The following ABCA12 variants were observed in gnomAD, a reference collection of about 807,000 sequenced individuals.
The protein encoded by ABCA12 is ATP binding cassette subfamily A member 12.
A neutral mutation model predicts 293.5 loss-of-function variants in ABCA12; 156 were observed. The observed-to-expected ratio is 0.53, with a 90% CI of 0.47 to 0.61. The LOEUF (loss-of-function observed/expected upper bound fraction) is 0.61. ABCA12 is among the 20% of genes least tolerant of loss of function. The probability of loss-of-function intolerance (pLI) is 0.00; values close to 1 mark genes in which losing one functional copy is unlikely to be tolerated. For synonymous variants in ABCA12, 1,063 were observed against 1,108.0 expected, an observed-to-expected ratio of 0.96 and a Z score of 0.81; for missense variants, 2,797 against 3,090.2, an observed-to-expected ratio of 0.91 and a Z score of 2.25.
intron 43 of ABCA12, among the ~76,000 whole-genome samples, chr2:214,954,516 C>A (rs1698881258): frequency 6.6e-6 from 1 of 152,094 alleles, no homozygotes; most frequent in South Asian, 2.1e-4. Context: ...GACTAAAATG[C>A]TGAAATGAGG....
Position 215,067,700 on chromosome 2 carries a change from G to C in ABCA12, c.164-3481C>G, listed in dbSNP as rs564076347. Among the ~76,000 whole-genome samples the C allele has an allele frequency of 1.6e-3, 236 of 152,190 alleles. 2 individuals carry two copies. The highest frequency in any genetic ancestry group is 2.4e-3 in the Non-Finnish European group (165 of 67,994). On this transcript the variant is annotated intron_variant, in intron 2 of 52. Coordinates refer to ENST00000272895, the MANE Select transcript of ABCA12 (RefSeq NM_173076.3). Reference sequence around the variant, plus strand: ...TAGTTTCTCAGGGGCCCCAGGCAAAGGCAGTGAGGAGCCAGCCACTCATGG... The same window carrying C: ...TAGTTTCTCAGGGGCCCCAGGCAAACGCAGTGAGGAGCCAGCCACTCATGG...
At chr2:215,065,297 TAAAAAAAAA>T (rs66466863) in intron 2 of ABCA12, among the ~76,000 whole-genome samples, 16 of 45,136 alleles carry the variant, frequency 3.5e-4, no homozygotes, top group East Asian at 1.7e-3. Flanking sequence ...CATGAATGTG[TAAAAAAAAA>T]AAAAAAAAAA....
chr2:215,105,948 A>C (rs1702456171), intron 2 of ABCA12, among the ~76,000 whole-genome samples: 1 of 152,174 alleles, frequency 6.6e-6, no homozygotes, highest in Non-Finnish European at 1.5e-5. Context: ...AACCTATGTA[A>C]ATTTTTAGCC....
chr2:214,955,596 T>A (rs1044674074), intron 42 of ABCA12, among the ~76,000 whole-genome samples: 2 of 152,156 alleles, frequency 1.3e-5, no homozygotes, highest in Non-Finnish European at 2.9e-5. Context: ...GGTCGGAGGA[T>A]CAAGCTGTGG....
chr2:215,021,094 C>T (rs578256672), intron 11 of ABCA12, among the ~76,000 whole-genome samples: 344 of 152,314 alleles, frequency 2.3e-3, no homozygotes, highest in Non-Finnish European at 4.1e-3. Context: ...AGCCATCTGC[C>T]GGCCTCAGCC....
chr2:215,004,146 G>C, intron 20 of ABCA12, 63 bp downstream of exon 20: 1 of 1,380,650 alleles, frequency 7.2e-7, no homozygotes, highest in South Asian at 1.2e-5. Context: ...TAATCATATG[G>C]AACAATGTTG....
chr2:215,135,903 G>A (rs866961884), intron 1 of ABCA12, among the ~76,000 whole-genome samples: 1 of 152,100 alleles, frequency 6.6e-6, no homozygotes, highest in African/African-American at 2.4e-5. Context: ...GACCCTAGGC[G>A]AAACTGTGAA....
chr2:215,095,150 A>G (rs1170236428), intron 2 of ABCA12, among the ~76,000 whole-genome samples: 1 of 152,178 alleles, frequency 6.6e-6, no homozygotes. Context: ...CTCATTGCTG[A>G]AAAAGGAAGA....
At position 214,982,271 on chromosome 2, in the gene ABCA12, C is replaced by T. The variant is rs776518775; in HGVS notation, c.4495G>A (p.Val1499Ile). 2 of 1,614,048 alleles carry T rather than the reference C, an allele frequency of 1.2e-6. No homozygotes were observed. Among genetic ancestry groups the T allele is most frequent in the Non-Finnish European group, 1.7e-6 (2 of 1,179,994 alleles). Residue 1499 changes from valine to isoleucine, a missense_variant, in exon 30 of 53, where the codon GTA becomes ATA. Physicochemically the swap from Val to Ile is conservative, Grantham distance 29 (BLOSUM62 3). Coordinates refer to ENST00000272895, the MANE Select transcript of ABCA12 (RefSeq NM_173076.3). ...GTAGATGGTTCATCCAAAATTACTA[C>T]CCTTGATCCACCAATGAGAGCTATG... ...ISIALIGGSR[V>I]VILDEPSTGV...
chr2:215,004,249 T>C lies in ABCA12; in HGVS notation c.2643A>G (p.Gly881=). ...FVQVFVKFSV[G]LDAVELLKQI... Reference sequence around the variant, plus strand: ...GTTTCAATAGTTCAACAGCATCGAGTCCCACGGAGAACTTTACAAAAACTT... The same window carrying C: ...GTTTCAATAGTTCAACAGCATCGAGCCCCACGGAGAACTTTACAAAAACTT... Residue 881 remains glycine, a synonymous_variant, in exon 20 of 53, where the codon GGA becomes GGG. Coordinates refer to ENST00000272895, the MANE Select transcript of ABCA12 (RefSeq NM_173076.3). 1 of 1,613,912 alleles carries C rather than the reference T, an allele frequency of 6.2e-7. No individual in the cohort carries two copies. The highest frequency in any genetic ancestry group is 8.5e-7 in the Non-Finnish European group (1 of 1,179,982).
intron 42 of ABCA12, among the ~76,000 whole-genome samples, chr2:214,956,218 T>C (rs909609264): frequency 3.3e-5 from 5 of 152,288 alleles, no homozygotes; most frequent in African/African-American, 4.8e-5. Flanking sequence ...TAGCTTAAGA[T>C]AGAAACAATA....
chr2:215,042,050 C>T (rs1701111926), intron 7 of ABCA12, among the ~76,000 whole-genome samples: 1 of 152,136 alleles, frequency 6.6e-6, no homozygotes, highest in African/African-American at 2.4e-5. Context: ...TGGTAATGAA[C>T]AGGCATGGAG....
intron 2 of ABCA12, among the ~76,000 whole-genome samples, chr2:215,065,240 G>A (rs1701617780): frequency 9.5e-6 from 1 of 105,166 alleles, no homozygotes; most frequent in Non-Finnish European, 1.9e-5. Context: ...TTTCAAAAAA[G>A]GCAAGTTTAG....
At position 215,004,245 on chromosome 2, in the gene ABCA12, C is replaced by T. The variant is rs200973428; in HGVS notation, c.2647G>A (p.Asp883Asn). Residue 883 changes from aspartate to asparagine, a missense_variant, in exon 20 of 53, where the codon GAT becomes AAT. Asp to Asn is a conservative substitution (Grantham distance 23, BLOSUM62 1). Transcript: ENST00000272895. ...ATCTGTTTCAATAGTTCAACAGCAT[C>T]GAGTCCCACGGAGAACTTTACAAAA... Reference protein sequence around the residue: ...QVFVKFSVGLDAVELLKQIDE... With the variant: ...QVFVKFSVGLNAVELLKQIDE... 3.1e-6 allele frequency: 5 copies of T among 1,613,766 alleles called. No homozygotes were observed. Among genetic ancestry groups the T allele is most frequent in the Middle Eastern group, 1.7e-4 (1 of 6,060 alleles).
At chr2:215,095,242 T>C (rs13397202) in intron 2 of ABCA12, among the ~76,000 whole-genome samples, 2,789 of 152,246 alleles carry the variant, frequency 0.018, 104 homozygotes, top group African/African-American at 0.064. Flanking sequence ...AACTCAAAGA[T>C]AGAGCCCAAA....
chr2:214,970,534 C>T (rs1699364689), intron 36 of ABCA12, 134 bp from the exon 37 acceptor site: 1 of 943,738 alleles, frequency 1.1e-6, no homozygotes, highest in Middle Eastern at 2.7e-4. Context: ...TGTCCTTTGA[C>T]TCTAAAGAGC....
intron 3 of ABCA12, among the ~76,000 whole-genome samples, chr2:215,059,768 C>A (rs1014078735): frequency 6.6e-6 from 1 of 151,932 alleles, no homozygotes; most frequent in East Asian, 1.9e-4. Flanking sequence ...TTCTACCTAA[C>A]CATGAAACAA....
rs569223762 is a variant in ABCA12 at position 215,007,930 on chromosome 2, C to A, written c.2473-84G>T. 7 of 1,549,844 alleles carry A rather than the reference C, an allele frequency of 4.5e-6. No homozygotes were observed. The East Asian group carries it at 1.6e-4, about 35-fold the overall frequency. On this transcript the variant is annotated intron_variant, in intron 18 of 52. Transcript: ENST00000272895. ...AAGGTATCTTAAGATTGTTTTGTTACGTAACTTCAAAAGACAGTTCTAAAA... is the reference window on the plus strand; with the variant it reads ...AAGGTATCTTAAGATTGTTTTGTTAAGTAACTTCAAAAGACAGTTCTAAAA...
chr2:215,009,738 T>G (rs769487033), intron 18 of ABCA12, among the ~76,000 whole-genome samples: 1 of 152,314 alleles, frequency 6.6e-6, no homozygotes, highest in Admixed American at 6.5e-5. Context: ...TCTTTTACTT[T>G]AGCTCCGTCA....
Sources: gnomAD v4.1 joint callset for allele counts (sites outside exome capture counted in the v4.1 genomes callset) on GRCh38, gnomAD v4.1.1 for gene constraint, MANE v1.5 for transcripts, NCBI Gene and HGNC (gene_info 2026-07-23, HGNC 2026-07-21) for gene names.